The following CDH13 variants were observed in gnomAD, a reference collection of about 807,000 sequenced individuals.
CDH13 encodes the protein cadherin 13, also known as cadherin-13.
In CDH13, 24 loss-of-function variants were observed where a neutral mutation model predicts 63.8. The ratio of observed to expected loss-of-function variants is 0.38; its 90% CI spans 0.27 to 0.53. The LOEUF is 0.53. Among genes scored for constraint, CDH13 ranks in the 20% least tolerant of loss-of-function variants. The pLI is 0.85. For synonymous variants in CDH13, 503 were observed against 355.3 expected (o/e 1.42, Z -4.67); for missense variants, 1,049 against 903.1 (o/e 1.16, Z -2.07).
At position 83,032,310 on chromosome 16, in the gene CDH13, G is replaced by T. The variant is rs1033373638; in HGVS notation, c.366+92G>T. 2.5e-4 allele frequency: 228 copies of T among 916,866 alleles called. 1 individual carries two copies. Among genetic ancestry groups the T allele is most frequent in the Non-Finnish European group, 6.6e-5 (40 of 608,904 alleles). 56.8% of individuals were successfully genotyped at this position (916,866 alleles called of 1,614,324 possible). On this transcript the variant is annotated intron_variant, in intron 3 of 13. Coordinates refer to ENST00000567109, the MANE Select transcript of CDH13 (RefSeq NM_001257.5). ...AAATGGGTCTTTAATTTATTATGTT[G>T]GCTAAGATTCCTTTTGTTATTGTTG...
intron 1 of CDH13, among the ~76,000 whole-genome samples, chr16:82,816,826 A>G (rs2037740150): frequency 6.7e-6 from 1 of 148,766 alleles, no homozygotes; most frequent in African/African-American, 2.5e-5. Context: ...GTGGGGGGGA[A>G]TGACTCATCA....
chr16:82,916,764 T>G (rs1449978412), intron 2 of CDH13, among the ~76,000 whole-genome samples: 1 of 152,216 alleles, frequency 6.6e-6, no homozygotes, highest in Non-Finnish European at 1.5e-5. Context: ...TAGTTTATCT[T>G]AATTTTAATT....
At chr16:83,738,120 A>G (rs944156720) in intron 10 of CDH13, among the ~76,000 whole-genome samples, 1 of 152,258 alleles carries the variant, frequency 6.6e-6, no homozygotes, top group African/African-American at 2.4e-5. Context: ...GATGTGAGGG[A>G]GCCTGCTGGC....
intron 11 of CDH13, among the ~76,000 whole-genome samples, chr16:83,779,577 C>T (rs1042477944): frequency 3.3e-5 from 5 of 152,214 alleles, no homozygotes; most frequent in South Asian, 2.1e-4. Context: ...GATCACAACA[C>T]TTTTGGTGTC....
At chr16:83,426,509 TCACACA>T (rs10545707) in intron 6 of CDH13, among the ~76,000 whole-genome samples, 584 of 146,544 alleles carry the variant, frequency 4.0e-3, no homozygotes, top group East Asian at 0.02. Context: ...ATGGAAACAA[TCACACA>T]CACACACACA....
chr16:82,792,660 G>T lies in CDH13; in HGVS notation c.46-65702G>T, dbSNP rs141543350. Among the ~76,000 whole-genome samples the T allele has an allele frequency of 4.6e-5, 7 of 152,268 alleles. No individual in the cohort carries two copies. The East Asian group carries it at 1.4e-3, about 29-fold the overall frequency. ...GGTGGCAGGTGGACCTTCATTCAGG[G>T]TGAATTGAGCTGAATTCGGTACATG... is the stretch of plus-strand genomic sequence containing the variant. On this transcript the variant is annotated intron_variant, in intron 1 of 13. Coordinates refer to ENST00000567109, the MANE Select transcript of CDH13 (RefSeq NM_001257.5).
At chr16:83,650,623 A>G (rs1360134014) in intron 8 of CDH13, among the ~76,000 whole-genome samples, 1 of 152,168 alleles carries the variant, frequency 6.6e-6, no homozygotes, top group Non-Finnish European at 1.5e-5. Flanking sequence ...TGGTGCTACC[A>G]GCATCTAGTA....
intron 3 of CDH13, among the ~76,000 whole-genome samples, chr16:83,121,511 T>G (rs1334775840): frequency 6.6e-6 from 1 of 152,218 alleles, no homozygotes; most frequent in African/African-American, 2.4e-5. Context: ...ATTATTATAG[T>G]AGTTTAGAGT....
chr16:82,686,245 C>T (rs1159787748), intron 1 of CDH13, among the ~76,000 whole-genome samples: 1 of 152,208 alleles, frequency 6.6e-6, no homozygotes, highest in Non-Finnish European at 1.5e-5. Flanking sequence ...GAAAGTAAAT[C>T]AGGACTTTCC....
At chr16:82,846,520 T>C (rs1567595265) in intron 1 of CDH13, among the ~76,000 whole-genome samples, 1 of 152,198 alleles carries the variant, frequency 6.6e-6, no homozygotes, top group Non-Finnish European at 1.5e-5. Context: ...ATGAGGAAAC[T>C]AAGGCAAAGA....
At chr16:83,576,372 T>C (rs903032844) in intron 7 of CDH13, among the ~76,000 whole-genome samples, 2 of 152,264 alleles carry the variant, frequency 1.3e-5, no homozygotes, top group African/African-American at 4.8e-5. Flanking sequence ...TAATATTTTC[T>C]TGTATGGGTG....
intron 5 of CDH13, among the ~76,000 whole-genome samples, chr16:83,243,998 A>G (rs1904734559): frequency 6.6e-6 from 1 of 152,190 alleles, no homozygotes; most frequent in African/African-American, 2.4e-5. Flanking sequence ...ATGGAACCAT[A>G]TAAATTCATC....
chr16:83,418,659 G>A (rs1048959807), intron 6 of CDH13, among the ~76,000 whole-genome samples: 3 of 152,008 alleles, frequency 2.0e-5, no homozygotes, highest in African/African-American at 7.2e-5. Context: ...CTTGGCCTAT[G>A]AGCTCTGCCT....
At chr16:83,388,707 G>A (rs543243949) in intron 6 of CDH13, among the ~76,000 whole-genome samples, 8 of 152,208 alleles carry the variant, frequency 5.3e-5, no homozygotes, top group Middle Eastern at 3.4e-3. Context: ...ATTTCCAAGG[G>A]CACAGCAGGT....
Position 82,757,197 on chromosome 16 carries a change from G to T in CDH13, c.46-101165G>T, listed in dbSNP as rs151174582. Among the ~76,000 whole-genome samples, 1,068 of 152,188 alleles carry T rather than the reference G, an allele frequency of 7.0e-3. 9 individuals carry two copies. Among genetic ancestry groups the T allele is most frequent in the Non-Finnish European group, 7.0e-3 (478 of 68,004 alleles). ...GTCTCTTGCTGCAGACTCCTCTAAG[G>T]CAGGGACCACTTTTCACCACCTTTC... On this transcript the variant is annotated intron_variant, in intron 1 of 13. Transcript: ENST00000567109.
At chr16:82,803,861 T>C (rs1368922777) in intron 1 of CDH13, among the ~76,000 whole-genome samples, 2 of 152,256 alleles carry the variant, frequency 1.3e-5, no homozygotes, top group East Asian at 1.9e-4. Context: ...ATCAATTATA[T>C]GGGAAGAAAA....
intron 6 of CDH13, among the ~76,000 whole-genome samples, chr16:83,354,988 A>C (rs1480225355): frequency 6.6e-6 from 1 of 152,242 alleles, no homozygotes; most frequent in East Asian, 1.9e-4. Context: ...GTAATACCTG[A>C]TCCTCTGCAA....
chr16:82,835,464 A>G (rs748891795), intron 1 of CDH13, among the ~76,000 whole-genome samples: 1 of 152,218 alleles, frequency 6.6e-6, no homozygotes, highest in African/African-American at 2.4e-5. Flanking sequence ...GTACCCACCC[A>G]GCAAATTTCC....
At chr16:82,705,101 C>G (rs1167984615) in intron 1 of CDH13, 1 of 455,666 alleles carries the variant, frequency 2.2e-6, no homozygotes, top group African/African-American at 2.0e-5. Flanking sequence ...TCAAAACCTG[C>G]AATTTATCAA....
Sources: allele counts gnomAD v4.1 joint callset (sites outside exome capture counted in the v4.1 genomes callset), GRCh38; gene constraint gnomAD v4.1.1; transcripts MANE v1.5; gene names NCBI Gene and HGNC (gene_info 2026-07-23, HGNC 2026-07-21).